Variants in ARMC9 observed in about 807,000 individuals in gnomAD.
The protein encoded by ARMC9 is lisH domain-containing protein ARMC9.
ARMC9 carries 94 observed loss-of-function variants against 107.0 expected under a neutral mutation model. That is an observed-to-expected ratio of 0.88 (90% CI 0.74 to 1.04). ARMC9 has a LOEUF of 1.04. ARMC9 is among the 50% of genes least tolerant of loss of function. The pLI is 0.00. For missense variants in ARMC9, 942 were observed against 1,030.1 expected, an observed-to-expected ratio of 0.91 and a Z score of 1.17; for synonymous variants, 380 against 396.9, an observed-to-expected ratio of 0.96 and a Z score of 0.51.
chr2:231,323,958 G>A (rs2043144813), intron 19 of ARMC9, among the ~76,000 whole-genome samples: 1 of 152,062 alleles, frequency 6.6e-6, no homozygotes, highest in Admixed American at 6.5e-5. Flanking sequence ...GGTCAGCTGC[G>A]GGGCCCTGGT....
At chr2:231,248,617 A>T (rs963513516) in intron 9 of ARMC9, among the ~76,000 whole-genome samples, 2 of 151,392 alleles carry the variant, frequency 1.3e-5, no homozygotes, top group Non-Finnish European at 1.5e-5. Context: ...GACCAGCCTG[A>T]CCAACATGGT....
chr2:231,214,097 C>A (rs576312660), intron 3 of ARMC9, among the ~76,000 whole-genome samples: 1 of 152,322 alleles, frequency 6.6e-6, no homozygotes, highest in Admixed American at 6.5e-5. Flanking sequence ...CTCCAGAATT[C>A]TTTGAACTAG....
chr2:231,350,026 TA>T (rs200774556), intron 21 of ARMC9, among the ~76,000 whole-genome samples: 17,724 of 136,618 alleles, frequency 0.13, 1,905 homozygotes, highest in African/African-American at 0.3. Context: ...CACAAACATC[TA>T]AAAAAAAAAA....
chr2:231,228,333 T>C (rs564042088), intron 7 of ARMC9, among the ~76,000 whole-genome samples: 1 of 152,204 alleles, frequency 6.6e-6, no homozygotes, highest in South Asian at 2.1e-4. Context: ...AGTTAAGCTG[T>C]TCTCCCTCAG....
intron 15 of ARMC9, among the ~76,000 whole-genome samples, chr2:231,277,233 A>G (rs2039839451): frequency 2.0e-5 from 3 of 152,150 alleles, no homozygotes; most frequent in Non-Finnish European, 4.4e-5. Flanking sequence ...AGTCATTTAT[A>G]TACTTGATCA....
intron 19 of ARMC9, among the ~76,000 whole-genome samples, chr2:231,328,602 T>A (rs1669072): frequency 0.32 from 48,756 of 151,294 alleles, 8,015 homozygotes; most frequent in Middle Eastern, 0.37. Flanking sequence ...TCTCATTGAA[T>A]TTCTTTTGTA....
chr2:231,219,491 C>T (rs999662288), intron 5 of ARMC9, among the ~76,000 whole-genome samples: 9 of 152,150 alleles, frequency 5.9e-5, no homozygotes, highest in African/African-American at 1.7e-4. Flanking sequence ...TTTCCTAGCT[C>T]GCATTGCTGC....
chr2:231,370,117 G>T lies in ARMC9; in HGVS notation c.2426G>T (p.Gly809Val). Reference sequence around the variant, plus strand: ...GGCTCCACAGCGTCCTCCACAAGGGGCCTGCCGAGTAAGTCAGCCTGGGCC... The same window carrying T: ...GGCTCCACAGCGTCCTCCACAAGGGTCCTGCCGAGTAAGTCAGCCTGGGCC... ...RPGSTASSTR[G>V]LPSSQSHRK The change falls in exon 24 of 25, where the codon GGC becomes GTC. Residue 809 changes from glycine to valine, a missense_variant. Transcript: ENST00000611582. The T allele has an allele frequency of 6.5e-7, 1 of 1,526,736 alleles. No individual in the cohort carries two copies. The highest frequency in any genetic ancestry group is 8.8e-7 in the Non-Finnish European group (1 of 1,141,018). 94.6% of individuals were successfully genotyped at this position (1,526,736 alleles called of 1,614,324 possible).
At chr2:231,346,944 G>C (rs1357055152) in intron 21 of ARMC9, among the ~76,000 whole-genome samples, 1 of 152,116 alleles carries the variant, frequency 6.6e-6, no homozygotes, top group Non-Finnish European at 1.5e-5. Flanking sequence ...TGTCTTAAAA[G>C]TATTTTTCAA....
intron 12 of ARMC9, chr2:231,270,482 T>G (rs953383386): frequency 7.9e-6 from 3 of 379,506 alleles, no homozygotes; most frequent in Non-Finnish European, 1.6e-5. Flanking sequence ...TGCCCGTTGC[T>G]GCCTTGAGAT....
intron 21 of ARMC9, among the ~76,000 whole-genome samples, chr2:231,349,536 C>T (rs1187401237): frequency 6.6e-6 from 1 of 152,124 alleles, no homozygotes; most frequent in African/African-American, 2.4e-5. Context: ...AATCTCAACA[C>T]TTTGGGAGGC....
At chr2:231,252,080 A>G (rs889746224) in intron 9 of ARMC9, among the ~76,000 whole-genome samples, 2 of 152,208 alleles carry the variant, frequency 1.3e-5, no homozygotes, top group Non-Finnish European at 2.9e-5. Flanking sequence ...CTTTTCAACC[A>G]GTTTCTTCAC....
At chr2:231,235,497 G>T in intron 8 of ARMC9, 116 bp downstream of exon 8, 2 of 1,253,516 alleles carry the variant, frequency 1.6e-6, no homozygotes, top group Non-Finnish European at 1.1e-6. Flanking sequence ...AGCCAGTGGC[G>T]CCTGCTGCTC....
chr2:231,296,601 T>C (rs1318765260), intron 19 of ARMC9, among the ~76,000 whole-genome samples: 1 of 152,158 alleles, frequency 6.6e-6, no homozygotes, highest in Non-Finnish European at 1.5e-5. Flanking sequence ...TCCTCACCGG[T>C]GGGAGTGCTG....
intron 20 of ARMC9, among the ~76,000 whole-genome samples, chr2:231,341,183 C>T (rs2044478709): frequency 6.6e-6 from 1 of 152,164 alleles, no homozygotes. Context: ...CAGAGCAAGA[C>T]CTTGTCTAAA....
At chr2:231,239,839 T>A (rs2036116524) in intron 8 of ARMC9, 104 bp from the exon 9 acceptor site, 2 of 915,096 alleles carry the variant, frequency 2.2e-6, no homozygotes, top group Non-Finnish European at 3.5e-6. Context: ...CATCATGCCT[T>A]ACAGAAAGCT....
intron 17 of ARMC9, among the ~76,000 whole-genome samples, chr2:231,288,431 A>C (rs1230569757): frequency 1.3e-5 from 2 of 152,198 alleles, no homozygotes; most frequent in Non-Finnish European, 2.9e-5. Flanking sequence ...CTAGAGGAAA[A>C]TATTTATATC....
intron 19 of ARMC9, among the ~76,000 whole-genome samples, chr2:231,325,448 T>C (rs2043261592): frequency 6.6e-6 from 1 of 152,150 alleles, no homozygotes; most frequent in African/African-American, 2.4e-5. Flanking sequence ...ATTTATTTTG[T>C]TTCTTAATGT....
chr2:231,325,558 C>T (rs2043267772), intron 19 of ARMC9, among the ~76,000 whole-genome samples: 1 of 152,132 alleles, frequency 6.6e-6, no homozygotes, highest in South Asian at 2.1e-4. Flanking sequence ...AGGCTCTGTC[C>T]CCTGGAGAAG....
Sources: gnomAD v4.1 joint callset for allele counts (sites outside exome capture counted in the v4.1 genomes callset) on GRCh38, gnomAD v4.1.1 for gene constraint, MANE v1.5 for transcripts, NCBI Gene and HGNC (gene_info 2026-07-23, HGNC 2026-07-21) for gene names.